The following PSD3 variants were observed in gnomAD, a reference collection of about 807,000 sequenced individuals.
PSD3 encodes the protein pleckstrin and Sec7 domain containing 3.
PSD3 carries 49 observed loss-of-function variants against 105.5 expected under a neutral mutation model. The ratio of observed to expected loss-of-function variants is 0.46; its 90% CI spans 0.37 to 0.59. The LOEUF (loss-of-function observed/expected upper bound fraction) is 0.59. Ranked by LOEUF, PSD3 falls within the 20% of genes least tolerant of loss-of-function variation. The probability of loss-of-function intolerance (pLI) is 0.00; values close to 1 mark genes in which losing one functional copy is unlikely to be tolerated. For synonymous variants in PSD3, 557 were observed against 457.8 expected (o/e 1.22, Z -2.77); for missense variants, 1,561 against 1,263.8 (o/e 1.24, Z -3.57).
chr8:18,546,226 A>T (rs942678677), intron 15 of PSD3, among the ~76,000 whole-genome samples: 1 of 152,106 alleles, frequency 6.6e-6, no homozygotes, highest in Admixed American at 6.6e-5. Flanking sequence ...CGAACTCTTG[A>T]CCTGAGATGA....
chr8:18,814,083 C>CCT (rs1436106868), intron 4 of PSD3, among the ~76,000 whole-genome samples: 1 of 152,174 alleles, frequency 6.6e-6, no homozygotes, highest in African/African-American at 2.4e-5. Flanking sequence ...GAATACATTC[C>CCT]CTGGAAGGGA....
intron 9 of PSD3, among the ~76,000 whole-genome samples, chr8:18,704,135 G>A (rs1166009398): frequency 6.6e-6 from 1 of 152,188 alleles, no homozygotes; most frequent in African/African-American, 2.4e-5. Context: ...TAAAACGCTA[G>A]TAGTTCTTTA....
chr8:18,623,242 G>C (rs545235098), intron 11 of PSD3, among the ~76,000 whole-genome samples: 44 of 151,690 alleles, frequency 2.9e-4, no homozygotes, highest in Non-Finnish European at 4.0e-4. Context: ...TAATTTTCCT[G>C]TGCAGATTTT....
intron 11 of PSD3, among the ~76,000 whole-genome samples, chr8:18,623,907 G>C (rs1212063659): frequency 6.6e-6 from 1 of 152,100 alleles, no homozygotes; most frequent in Non-Finnish European, 1.5e-5. Context: ...CTTACGTGCA[G>C]ATTCTTCTGC....
At chr8:18,640,301 T>A (rs765281654) in intron 10 of PSD3, among the ~76,000 whole-genome samples, 15 of 152,010 alleles carry the variant, frequency 9.9e-5, no homozygotes, top group African/African-American at 3.6e-4. Context: ...TACCCCAAGT[T>A]TTACCATGCA....
chr8:18,957,816 TG>T (rs1823672535), intron 1 of PSD3, among the ~76,000 whole-genome samples: 1 of 152,070 alleles, frequency 6.6e-6, no homozygotes, highest in South Asian at 2.1e-4. Context: ...CACTTGTGGG[TG>T]GGGTGAAGTG....
chr8:18,880,830 G>A (rs1394748743), intron 2 of PSD3, among the ~76,000 whole-genome samples: 2 of 152,132 alleles, frequency 1.3e-5, no homozygotes, highest in African/African-American at 4.8e-5. Flanking sequence ...AAGGGACTCA[G>A]GGACTTGTTA....
At chr8:18,823,053 A>G (rs2129449582) in intron 4 of PSD3, among the ~76,000 whole-genome samples, 1 of 151,998 alleles carries the variant, frequency 6.6e-6, no homozygotes. Context: ...GATAATATTA[A>G]TCTGGTTTTA....
At chr8:18,990,864 C>G (rs989453328) in intron 1 of PSD3, among the ~76,000 whole-genome samples, 2 of 152,130 alleles carry the variant, frequency 1.3e-5, no homozygotes, top group African/African-American at 4.8e-5. Flanking sequence ...AACAGTCATG[C>G]AGTGATCTCA....
At chr8:18,963,121 T>C (rs1824024814) in intron 1 of PSD3, among the ~76,000 whole-genome samples, 3 of 152,222 alleles carry the variant, frequency 2.0e-5, no homozygotes, top group Admixed American at 1.3e-4. Flanking sequence ...GATGCAAAAG[T>C]GGAAACCCCT....
chr8:18,964,667 G>C (rs1203921247), intron 1 of PSD3, among the ~76,000 whole-genome samples: 2 of 152,106 alleles, frequency 1.3e-5, no homozygotes, highest in African/African-American at 4.8e-5. Flanking sequence ...GGAATGTCCT[G>C]AGTGGTTCCG....
At chr8:18,624,582 T>C (rs1168278515) in intron 11 of PSD3, among the ~76,000 whole-genome samples, 1 of 147,952 alleles carries the variant, frequency 6.8e-6, no homozygotes. Flanking sequence ...ATATACCTAA[T>C]GCTAAATGAC....
At chr8:18,874,819 T>C (rs1001185961) in intron 2 of PSD3, among the ~76,000 whole-genome samples, 8 of 152,162 alleles carry the variant, frequency 5.3e-5, no homozygotes, top group African/African-American at 1.9e-4. Flanking sequence ...TGTATTGCTA[T>C]TGAACACACG....
intron 4 of PSD3, among the ~76,000 whole-genome samples, chr8:18,838,576 C>T (rs1375122920): frequency 4.0e-5 from 6 of 151,842 alleles, no homozygotes; most frequent in South Asian, 2.1e-4. Flanking sequence ...CCGAGGCGGG[C>T]GGATCATGAG....
At chr8:18,552,801 C>T (rs1201944881) in intron 15 of PSD3, among the ~76,000 whole-genome samples, 2 of 152,192 alleles carry the variant, frequency 1.3e-5, no homozygotes, top group African/African-American at 2.4e-5. Flanking sequence ...TTCCAAACCA[C>T]AGCTTGGAGG....
chr8:18,616,165 A>G (rs1805645933), intron 11 of PSD3, among the ~76,000 whole-genome samples: 1 of 152,258 alleles, frequency 6.6e-6, no homozygotes, highest in African/African-American at 2.4e-5. Flanking sequence ...ACGGTCTGCT[A>G]CAGACTGCAC....
At chr8:18,587,014 G>A (rs910535132) in intron 12 of PSD3, among the ~76,000 whole-genome samples, 2 of 152,170 alleles carry the variant, frequency 1.3e-5, no homozygotes, top group Admixed American at 6.5e-5. Context: ...GTGAGCTTTT[G>A]TCAAACTGAA....
At chr8:19,000,699 A>G (rs1216135596) in intron 1 of PSD3, 1 of 151,942 alleles carries the variant, frequency 6.6e-6, no homozygotes, top group Non-Finnish European at 1.5e-5. Flanking sequence ...AGATGAAGCC[A>G]CTGTGAAGCC....
rs185175949 is a variant in PSD3 at position 18,592,916 on chromosome 8, C to T, written c.2481+7448G>A. ...AAATGGTGCTGGGAAAACTGGCTAG[C>T]CATATGTAGAAAGCTGAAACTGGAT... On this transcript the variant is annotated intron_variant, in intron 12 of 15. Coordinates refer to ENST00000327040, the MANE Select transcript of PSD3 (RefSeq NM_015310.4). Among the ~76,000 whole-genome samples the T allele has an allele frequency of 2.4e-3, 360 of 152,208 alleles. 3 individuals carry two copies. The highest frequency in any genetic ancestry group is 8.4e-3 in the African/African-American group (349 of 41,538).
Sources: allele counts gnomAD v4.1 joint callset (sites outside exome capture counted in the v4.1 genomes callset), GRCh38; gene constraint gnomAD v4.1.1; transcripts MANE v1.5; gene names NCBI Gene and HGNC (gene_info 2026-07-23, HGNC 2026-07-21).